Variants in SRRM4 observed in about 807,000 individuals in gnomAD.
The protein encoded by SRRM4 is serine/arginine repetitive matrix 4, also known as serine/arginine repetitive matrix protein 4.
A neutral mutation model predicts 68.9 loss-of-function variants in SRRM4; 33 were observed. The ratio of observed to expected loss-of-function variants is 0.48; its 90% confidence interval spans 0.36 to 0.64. The LOEUF (loss-of-function observed/expected upper bound fraction) is 0.64. SRRM4 is among the 30% of genes least tolerant of loss of function. The pLI is 0.00. For synonymous variants in SRRM4, 318 were observed against 318.8 expected (o/e 1.00, Z 0.03); for missense variants, 817 against 827.1 (o/e 0.99, Z 0.15).
intron 1 of SRRM4, among the ~76,000 whole-genome samples, chr12:119,047,851 A>C (rs553161686): frequency 2.6e-5 from 4 of 152,340 alleles, no homozygotes; most frequent in Non-Finnish European, 5.9e-5. Flanking sequence ...TAGGTGGACA[A>C]ATAAGCCCAC....
At chr12:119,102,009 A>G (rs73213728) in intron 1 of SRRM4, among the ~76,000 whole-genome samples, 11,738 of 152,240 alleles carry the variant, frequency 0.077, 504 homozygotes, top group Admixed American at 0.1. Context: ...TAAAGTCGCT[A>G]TGACAGAGGA....
At chr12:119,094,200 C>T (rs1167749962) in intron 1 of SRRM4, among the ~76,000 whole-genome samples, 1 of 152,112 alleles carries the variant, frequency 6.6e-6, no homozygotes, top group Non-Finnish European at 1.5e-5. Context: ...CATTCTCATC[C>T]ATCGCCTGTG....
intron 1 of SRRM4, among the ~76,000 whole-genome samples, chr12:119,007,565 A>G (rs996816908): frequency 3.3e-5 from 5 of 152,110 alleles, no homozygotes; most frequent in African/African-American, 9.7e-5. Flanking sequence ...TGCCTTTATA[A>G]TGTTCTATTA....
chr12:119,055,216 G>A (rs1449664313), intron 1 of SRRM4, among the ~76,000 whole-genome samples: 4 of 152,222 alleles, frequency 2.6e-5, no homozygotes, highest in African/African-American at 9.6e-5. Context: ...GAACAGACTG[G>A]AGTTTCGTCA....
intron 1 of SRRM4, among the ~76,000 whole-genome samples, chr12:119,058,595 A>T (rs1953791564): frequency 6.6e-6 from 1 of 152,234 alleles, no homozygotes; most frequent in African/African-American, 2.4e-5. Context: ...TCTCTGGTAC[A>T]GAGTCTAGCA....
intron 1 of SRRM4, among the ~76,000 whole-genome samples, chr12:119,021,216 A>G (rs549896760): frequency 3.3e-5 from 5 of 152,312 alleles, no homozygotes; most frequent in Non-Finnish European, 7.3e-5. Flanking sequence ...TACCTTGATC[A>G]TTTGGACACT....
chr12:119,157,489 A>T lies in SRRM4; in HGVS notation c.*691A>T, dbSNP rs1158691154. The T allele has an allele frequency of 6.6e-6, 1 of 152,496 alleles. No individual in the cohort carries two copies. Among genetic ancestry groups the T allele is most frequent in the African/African-American group, 2.4e-5 (1 of 41,456 alleles). 9.4% of individuals were successfully genotyped at this position (152,496 alleles called of 1,614,324 possible). On this transcript the variant is annotated 3_prime_UTR_variant, in exon 13 of 13. Coordinates refer to ENST00000267260, the MANE Select transcript of SRRM4 (RefSeq NM_194286.4). The surrounding 1 kb of genome is among the most constrained non-coding windows in gnomAD (Gnocchi z 4.1). ...GTTCAGCTGCTGCTCCCAATACCTC[A>T]GCATGGTAAGGGGACAGAGCCCAGC...
chr12:119,011,146 T>G (rs1953446382), intron 1 of SRRM4, among the ~76,000 whole-genome samples: 1 of 152,174 alleles, frequency 6.6e-6, no homozygotes, highest in Non-Finnish European at 1.5e-5. Context: ...AATGTTTTCA[T>G]CATTCACAAG....
At chr12:119,089,267 A>G (rs1953999332) in intron 1 of SRRM4, among the ~76,000 whole-genome samples, 1 of 152,158 alleles carries the variant, frequency 6.6e-6, no homozygotes, top group Non-Finnish European at 1.5e-5. Flanking sequence ...GAACCCACCA[A>G]TTGGTAGGAG....
chr12:119,066,311 C>T (rs1953845714), intron 1 of SRRM4, among the ~76,000 whole-genome samples: 1 of 152,144 alleles, frequency 6.6e-6, no homozygotes, highest in Non-Finnish European at 1.5e-5. Context: ...ATTACCAATC[C>T]CATTTATAGA....
In SRRM4 at chr12:119,159,476, C is replaced by T. The variant is rs1365176575; in HGVS notation, c.*2678C>T. On this transcript the variant is annotated 3_prime_UTR_variant, in exon 13 of 13. Transcript: ENST00000267260. ...AGAGTGATGAGGCTTCAGTTGAGTA[C>T]TTGCTGAAGTAGTTGCCTTGTATTT... 1 of 152,188 alleles carries T rather than the reference C, an allele frequency of 6.6e-6. No homozygotes were observed. The highest frequency in any genetic ancestry group is 2.4e-5 in the African/African-American group (1 of 41,406). 9.4% of individuals were successfully genotyped at this position (152,188 alleles called of 1,614,324 possible).
intron 7 of SRRM4, among the ~76,000 whole-genome samples, chr12:119,129,744 A>T (rs1954282168): frequency 1.3e-5 from 2 of 152,332 alleles, no homozygotes; most frequent in South Asian, 2.1e-4. Context: ...TAAGAGAATG[A>T]ATAAATAAAG....
chr12:118,982,999 GT>G (rs1198382177), intron 1 of SRRM4, among the ~76,000 whole-genome samples: 1 of 152,158 alleles, frequency 6.6e-6, no homozygotes, highest in Non-Finnish European at 1.5e-5. Flanking sequence ...TGGATGAGTG[GT>G]TTAGTAGGAG....
At chr12:119,069,222 G>T (rs1159462987) in intron 1 of SRRM4, among the ~76,000 whole-genome samples, 2 of 152,168 alleles carry the variant, frequency 1.3e-5, no homozygotes, top group Non-Finnish European at 2.9e-5. Context: ...GTTACCGGGG[G>T]TTCCTGCCCC....
chr12:119,067,649 G>A (rs548439134), intron 1 of SRRM4, among the ~76,000 whole-genome samples: 9 of 152,126 alleles, frequency 5.9e-5, no homozygotes, highest in South Asian at 2.1e-4. Context: ...TGGAGGTTGC[G>A]GTGAGGCAAG....
At chr12:119,136,867 C>T (rs1299918112) in intron 8 of SRRM4, among the ~76,000 whole-genome samples, 2 of 152,074 alleles carry the variant, frequency 1.3e-5, no homozygotes, top group South Asian at 2.1e-4. Flanking sequence ...CCACCTCTGC[C>T]TACCAAAGGT....
chr12:119,028,541 A>C (rs1424704214), intron 1 of SRRM4, among the ~76,000 whole-genome samples: 1 of 152,232 alleles, frequency 6.6e-6, no homozygotes, highest in Non-Finnish European at 1.5e-5. Flanking sequence ...CCAGCCACAC[A>C]GAACTTGAGT....
intron 5 of SRRM4, among the ~76,000 whole-genome samples, chr12:119,121,698 A>G (rs1055258764): frequency 6.6e-6 from 1 of 152,186 alleles, no homozygotes; most frequent in African/African-American, 2.4e-5. Flanking sequence ...TTGTGCCTCC[A>G]CCCATAGGTT....
intron 1 of SRRM4, among the ~76,000 whole-genome samples, chr12:119,078,264 G>T (rs1953928176): frequency 6.6e-6 from 1 of 152,180 alleles, no homozygotes; most frequent in African/African-American, 2.4e-5. Context: ...GCATCCATTT[G>T]CCCACTAGTT....
Sources: gnomAD v4.1 joint callset for allele counts (sites outside exome capture counted in the v4.1 genomes callset) on GRCh38, gnomAD v4.1.1 for gene constraint, Gnocchi (gnomAD v3.1) non-coding constraint, MANE v1.5 for transcripts, NCBI Gene and HGNC (gene_info 2026-07-23, HGNC 2026-07-21) for gene names.